The following WWC1 variants were observed in gnomAD, a reference collection of about 807,000 sequenced individuals.
WWC1 encodes WW and C2 domain containing 1.
WWC1 carries 55 observed loss-of-function variants against 138.4 expected under a neutral mutation model. The ratio of observed to expected loss-of-function variants is 0.40; its 90% CI spans 0.32 to 0.50. The LOEUF (loss-of-function observed/expected upper bound fraction) is 0.50, where lower values mean the gene tolerates loss of function less well. Ranked by LOEUF, WWC1 falls within the 20% of genes least tolerant of loss-of-function variation. WWC1 has a pLI of 0.72. For missense variants in WWC1, 1,226 were observed against 1,420.4 expected, an observed-to-expected ratio of 0.86 and a Z score of 2.20; for synonymous variants, 524 against 564.9, an observed-to-expected ratio of 0.93 and a Z score of 1.03.
intron 1 of WWC1, among the ~76,000 whole-genome samples, chr5:168,308,510 C>T (rs1190405375): frequency 2.0e-5 from 3 of 152,162 alleles, no homozygotes; most frequent in Non-Finnish European, 2.9e-5. Context: ...GAGTTCATGG[C>T]ACTTTATTGG....
At chr5:168,413,165 G>A (rs1335661695) in intron 8 of WWC1, among the ~76,000 whole-genome samples, 1 of 152,178 alleles carries the variant, frequency 6.6e-6, no homozygotes, top group Non-Finnish European at 1.5e-5. Context: ...CCACGTTTAT[G>A]ATTTGCAGTC....
intron 1 of WWC1, among the ~76,000 whole-genome samples, chr5:168,334,466 C>T (rs1195380924): frequency 6.6e-6 from 1 of 152,162 alleles, no homozygotes; most frequent in Non-Finnish European, 1.5e-5. Context: ...CCTACTTACA[C>T]CTACTCATCC....
At chr5:168,295,158 T>C (rs1443456082) in intron 1 of WWC1, among the ~76,000 whole-genome samples, 1 of 152,220 alleles carries the variant, frequency 6.6e-6, no homozygotes, top group East Asian at 1.9e-4. Context: ...TAGTTCTGTC[T>C]GTGTGGCCTT....
intron 11 of WWC1, 64 bp from the exon 12 acceptor site, chr5:168,427,969 A>C: frequency 2.8e-6 from 4 of 1,432,058 alleles, no homozygotes; most frequent in Non-Finnish European, 3.9e-6. Flanking sequence ...AAACAAAACA[A>C]AATTGGGAGT....
intron 1 of WWC1, among the ~76,000 whole-genome samples, chr5:168,362,487 A>C (rs1775954600): frequency 6.6e-6 from 1 of 152,218 alleles, no homozygotes; most frequent in African/African-American, 2.4e-5. Context: ...ATTAGAAAGC[A>C]ATGGGGACAA....
intron 15 of WWC1, among the ~76,000 whole-genome samples, chr5:168,439,490 A>G (rs1754557235): frequency 6.7e-6 from 1 of 150,136 alleles, no homozygotes; most frequent in Admixed American, 6.6e-5. Flanking sequence ...AAAAAAGGCC[A>G]GGCGTGGTGG....
At chr5:168,387,471 T>C (rs1462295758) in intron 3 of WWC1, among the ~76,000 whole-genome samples, 2 of 152,168 alleles carry the variant, frequency 1.3e-5, no homozygotes, top group African/African-American at 4.8e-5. Flanking sequence ...TCTGGAGACT[T>C]TTAGAAGGTT....
rs144113181 is a variant in WWC1, at chr5:168,452,952, C to T, written c.2526-1016C>T. Among the ~76,000 whole-genome samples the T allele has an allele frequency of 3.0e-4, 45 of 152,300 alleles. No individual in the cohort carries two copies. In the East Asian group the frequency reaches 7.9e-3, roughly 27 times the overall value. On this transcript the variant is annotated intron_variant, in intron 17 of 22. Transcript: ENST00000265293. ...TAAAAAGGAGTGAACTGTCTGGGCG[C>T]GGTGGCTCACGCCTATAATCCCAAC...
intron 1 of WWC1, among the ~76,000 whole-genome samples, chr5:168,354,465 A>T (rs1775241829): frequency 6.6e-6 from 1 of 152,222 alleles, no homozygotes; most frequent in Non-Finnish European, 1.5e-5. Flanking sequence ...GAAAAGCAAA[A>T]TTTAAACTAT....
At chr5:168,340,652 C>T (rs1773967953) in intron 1 of WWC1, among the ~76,000 whole-genome samples, 1 of 152,200 alleles carries the variant, frequency 6.6e-6, no homozygotes, top group Non-Finnish European at 1.5e-5. Context: ...CATGTTGAGG[C>T]ATGTAGCAGT....
rs376255056 is a variant in WWC1 at position 168,454,034 on chromosome 5, G to T, written c.2592G>T (p.Glu864Asp). 1 of 1,613,000 alleles carries T rather than the reference G, an allele frequency of 6.2e-7. No individual in the cohort carries two copies. Among genetic ancestry groups the T allele is most frequent in the Non-Finnish European group, 8.5e-7 (1 of 1,179,944 alleles). Reference protein sequence around the residue: ...AEEEEEEVEEEEGEEDVFTEK... With the variant: ...AEEEEEEVEEDEGEEDVFTEK... The stretch of plus-strand genomic sequence containing the variant: ...AAGAGGAGGAGGAGGTGGAGGAGGA[G>T]GAGGGAGAAGAGGATGTTTTCACCG... The change falls in exon 18 of 23, where the codon GAG becomes GAT. Residue 864 changes from glutamate to aspartate, a missense_variant. Physicochemically the swap from Glu to Asp is conservative, Grantham distance 45 (BLOSUM62 2). Transcript: ENST00000265293.
chr5:168,440,011 G>T (rs1204425454), intron 15 of WWC1, among the ~76,000 whole-genome samples: 1 of 152,084 alleles, frequency 6.6e-6, no homozygotes, highest in African/African-American at 2.4e-5. Context: ...GAGAGTGCTG[G>T]CTCCCAGAAG....
chr5:168,372,661 A>G (rs1776850253), intron 2 of WWC1, among the ~76,000 whole-genome samples: 1 of 152,230 alleles, frequency 6.6e-6, no homozygotes, highest in Non-Finnish European at 1.5e-5. Context: ...CTTAAGACTC[A>G]CAGCTAAAAT....
At position 168,300,549 on chromosome 5, in the gene WWC1, G is replaced by A. The variant is rs540496290; in HGVS notation, c.119+8278G>A. ...CAAATGTCTGCCAAAGAAAAGGGAC[G>A]GAGGCTTAAGTTCTCACTCAATGGT... On this transcript the variant is annotated intron_variant, in intron 1 of 22. Coordinates refer to ENST00000265293, the MANE Select transcript of WWC1 (RefSeq NM_015238.3). 9.4e-5 allele frequency among the ~76,000 whole-genome samples: 14 copies of A among 148,918 alleles called. No individual in the cohort carries two copies. The East Asian group carries it at 2.4e-3, about 25-fold the overall frequency.
Position 168,309,751 on chromosome 5 carries a change from T to A in WWC1, c.119+17480T>A, listed in dbSNP as rs188287871. ...AGTAGAACATAGAGACCTCTCCCTC[T>A]GTCTTAGTAGAACATGGAGACCTCT... On this transcript the variant is annotated intron_variant, in intron 1 of 22. Coordinates refer to ENST00000265293, the MANE Select transcript of WWC1 (RefSeq NM_015238.3). Among the ~76,000 whole-genome samples the A allele has an allele frequency of 2.1e-3, 314 of 151,964 alleles. 1 individual carries two copies. The highest frequency in any genetic ancestry group is 7.2e-3 in the African/African-American group (300 of 41,458).
At chr5:168,393,305 C>T (rs1403289654) in intron 3 of WWC1, among the ~76,000 whole-genome samples, 1 of 152,148 alleles carries the variant, frequency 6.6e-6, no homozygotes. Flanking sequence ...AGTCAGCTCA[C>T]ACCAAGATAT....
intron 15 of WWC1, among the ~76,000 whole-genome samples, chr5:168,437,605 G>A (rs1187298856): frequency 6.6e-6 from 1 of 152,140 alleles, no homozygotes. Flanking sequence ...ACAGTGCCTG[G>A]CACATAAGAC....
intron 1 of WWC1, among the ~76,000 whole-genome samples, chr5:168,324,861 A>C (rs1369546802): frequency 6.6e-6 from 1 of 152,260 alleles, no homozygotes; most frequent in Non-Finnish European, 1.5e-5. Context: ...TACTAATCAA[A>C]AGAATATTGG....
intron 1 of WWC1, among the ~76,000 whole-genome samples, chr5:168,310,845 A>AT (rs10528264): frequency 1.3e-5 from 2 of 151,980 alleles, no homozygotes; most frequent in Admixed American, 1.3e-4. Flanking sequence ...CTAAAAAAAA[A>AT]GCATAACTTG....
Sources: allele counts gnomAD v4.1 joint callset (sites outside exome capture counted in the v4.1 genomes callset), GRCh38; gene constraint gnomAD v4.1.1; transcripts MANE v1.5; gene names NCBI Gene and HGNC (gene_info 2026-07-23, HGNC 2026-07-21).